The following PCDHB11 variants were observed in gnomAD, a reference collection of about 807,000 sequenced individuals.
PCDHB11 encodes the protein protocadherin beta-11.
For synonymous variants in PCDHB11, 522 were observed against 442.0 expected, an observed-to-expected ratio of 1.18 and a Z score of -2.27; for missense variants, 1,151 against 1,003.4, an observed-to-expected ratio of 1.15 and a Z score of -1.99.
At position 141,201,944 on chromosome 5, in the gene PCDHB11, A is replaced by C. The variant is rs782743521; in HGVS notation, c.2170A>C (p.Ser724Arg). The change falls in exon 1 of 1, where the codon AGC (serine) becomes CGC (arginine). Residue 724 changes from serine (S) to arginine (R), a missense_variant. Physicochemically the swap from Ser to Arg is moderately radical, Grantham distance 110. Coordinates refer to ENST00000354757, the MANE Select transcript of PCDHB11 (RefSeq NM_018931.3). The part of the protein sequence containing the change: ...CRRSRAASVG[S>R]CSVPKGPFPG... ...GAGGAGCAGGGCGGCCTCGGTGGGA[A>C]GCTGCTCGGTGCCTAAGGGCCCCTT... 25 of 1,613,866 alleles carry C rather than the reference A, an allele frequency of 1.5e-5. No individual in the cohort carries two copies. Among genetic ancestry groups the C allele is most frequent in the Admixed American group, 1.5e-4 (9 of 60,004 alleles).
Position 141,201,390 on chromosome 5 carries a change from C to T in PCDHB11, c.1616C>T (p.Pro539Leu). 6.2e-7 allele frequency: 1 copy of T among 1,612,416 alleles called. No homozygotes were observed. The highest frequency in any genetic ancestry group is 1.1e-5 in the South Asian group (1 of 90,998). The change falls in exon 1 of 1, where the codon CCG becomes CTG. Residue 539 changes from proline (P) to leucine (L), a missense_variant. Pro to Leu is a moderately conservative substitution (Grantham distance 98). Transcript: ENST00000354757. Reference protein sequence around the residue: ...FRVGATDRGSPALSSEALVRV... With the variant: ...FRVGATDRGSLALSSEALVRV... ...GTGGGCGCCACAGACCGCGGCTCCC[C>T]GGCTTTGAGCAGCGAGGCGCTGGTG...
Position 141,200,445 on chromosome 5 carries a change from G to A in PCDHB11, c.671G>A (p.Gly224Glu). The A allele has an allele frequency of 1.2e-6, 2 of 1,614,098 alleles. No individual in the cohort carries two copies. The highest frequency in any genetic ancestry group is 1.7e-6 in the Non-Finnish European group (2 of 1,180,020). The change falls in exon 1 of 1, where the codon GGA (glycine) becomes GAA (glutamate). Residue 224 changes from glycine (G) to glutamate (E), a missense_variant. By Grantham distance (98) the Gly-to-Glu change is moderately conservative. Coordinates refer to ENST00000354757, the MANE Select transcript of PCDHB11 (RefSeq NM_018931.3). ...GATGGTGGGTCCCCTCCCAGGTCTG[G>A]AACTGCCTTGGTCAGGGTGGTGGTT... is the stretch of plus-strand genomic sequence containing the variant. The part of the protein sequence containing the change: ...ALDGGSPPRS[G>E]TALVRVVVVD...
rs1563963263 is a variant in PCDHB11 at position 141,199,975 on chromosome 5, C to T, written c.201C>T (p.Val67=). 4 of 1,614,092 alleles carry T rather than the reference C, an allele frequency of 2.5e-6. No individual in the cohort carries two copies. The highest frequency in any genetic ancestry group is 3.4e-6 in the Non-Finnish European group (4 of 1,180,032). ...RELSSRGARV[V]SNDKKQRLQL... is the part of the protein sequence containing the mutation. ...TGTCCTCACGGGGGGCTCGGGTGGT[C>T]TCTAATGATAAGAAACAGCGTTTGC... is the stretch of plus-strand genomic sequence containing the variant. Residue 67 remains valine (V), a synonymous_variant, in exon 1 of 1, where the codon GTC becomes GTT. Transcript: ENST00000354757.
In PCDHB11 at chr5:141,200,850, A is replaced by C; in HGVS notation, c.1076A>C (p.Asn359Thr). The change falls in exon 1 of 1, where the codon AAT becomes ACT. Residue 359 changes from asparagine (N) to threonine (T), a missense_variant. Physicochemically the swap from Asn to Thr is moderately conservative, Grantham distance 65. Transcript: ENST00000354757. ...TCAATTACCAGTCCAATCCCAGAAA[A>C]TACGCCAGAGACCGTGGTTATGGTT... ...VSSITSPIPENTPETVVMVFS... is the reference protein window; with the variant it reads ...VSSITSPIPETTPETVVMVFS... 2 of 1,614,204 alleles carry C rather than the reference A, an allele frequency of 1.2e-6. No individual in the cohort carries two copies. The highest frequency in any genetic ancestry group is 1.7e-6 in the Non-Finnish European group (2 of 1,180,044).
chr5:141,200,049 G>T lies in PCDHB11; in HGVS notation c.275G>T (p.Arg92Met). Residue 92 changes from arginine (R) to methionine (M), a missense_variant, in exon 1 of 1, where the codon AGG becomes ATG. Transcript: ENST00000354757. ...GDLLLSETLD[R>M]EELCGSIEPC... ...TTGCTCTTAAGTGAAACACTAGACA[G>T]GGAGGAGCTCTGCGGTTCCATCGAG... 1 of 1,614,232 alleles carries T rather than the reference G, an allele frequency of 6.2e-7. No individual in the cohort carries two copies. The highest frequency in any genetic ancestry group is 8.5e-7 in the Non-Finnish European group (1 of 1,180,048).
rs1554285667 is a variant in PCDHB11, at chr5:141,201,661, G to A, written c.1887G>A (p.Leu629=). ...ATGGCGAGGTGCGCACCGCCAGGCT[G>A]CTGAGCGAGCGCGACGCGGCCAAGC... ...AHNGEVRTAR[L]LSERDAAKHR... Residue 629 remains leucine (L), a synonymous_variant, in exon 1 of 1, where the codon CTG becomes CTA. Coordinates refer to ENST00000354757, the MANE Select transcript of PCDHB11 (RefSeq NM_018931.3). 1.2e-6 allele frequency: 2 copies of A among 1,605,840 alleles called. No individual in the cohort carries two copies. The highest frequency in any genetic ancestry group is 1.1e-5 in the South Asian group (1 of 90,908).
In PCDHB11 at chr5:141,201,510, C is replaced by A. The variant is rs1554285631; in HGVS notation, c.1736C>A (p.Ala579Glu). 2 of 1,608,646 alleles carry A rather than the reference C, an allele frequency of 1.2e-6. No individual in the cohort carries two copies. The highest frequency in any genetic ancestry group is 1.7e-6 in the Non-Finnish European group (2 of 1,178,790). ...SAPCTELVPR[A>E]AEPGYLVTKV... ...CCCTGCACCGAGCTGGTGCCCCGGG[C>A]GGCCGAGCCGGGCTACCTGGTGACC... The change falls in exon 1 of 1, where the codon GCG (alanine) becomes GAG (glutamate). Residue 579 changes from alanine to glutamate, a missense_variant. Transcript: ENST00000354757.
Position 141,200,351 on chromosome 5 carries a change from G to T in PCDHB11, c.577G>T (p.Glu193Ter). Reference sequence around the variant, plus strand: ...CATTCCAGACAATAGGAAATACCCCGAGTTAGTTCTGGACAAGGCGCTGGA... The same window carrying T: ...CATTCCAGACAATAGGAAATACCCCTAGTTAGTTCTGGACAAGGCGCTGGA... ...RVIPDNRKYPELVLDKALDYE... is the reference protein window; with the variant it reads ...RVIPDNRKYP The change falls in exon 1 of 1, where the codon GAG (glutamate) becomes TAG (stop). Residue 193 changes from glutamate to a stop codon, truncating the protein, a stop_gained. Coordinates refer to ENST00000354757, the MANE Select transcript of PCDHB11 (RefSeq NM_018931.3). LOFTEE classifies it low-confidence loss of function (END_TRUNC). 1 of 1,614,124 alleles carries T rather than the reference G, an allele frequency of 6.2e-7. No homozygotes were observed. The highest frequency in any genetic ancestry group is 8.5e-7 in the Non-Finnish European group (1 of 1,180,022).
chr5:141,201,303 A>G lies in PCDHB11; in HGVS notation c.1529A>G (p.Asn510Ser), dbSNP rs1169458753. The change falls in exon 1 of 1, where the codon AAC (asparagine) becomes AGC (serine). Residue 510 changes from asparagine to serine, a missense_variant. Asn to Ser is a conservative substitution (Grantham distance 46, BLOSUM62 1). Transcript: ENST00000354757. ...LASLVSINTD[N>S]GHLFALRSLD... ...TCCCTGGTCTCCATCAACACAGACA[A>G]CGGCCACCTGTTCGCCCTCAGGTCG... The G allele has an allele frequency of 4.3e-6, 7 of 1,613,468 alleles. No homozygotes were observed. In the Admixed American group the frequency reaches 8.3e-5, roughly 19 times the overall value.
In PCDHB11 at chr5:141,202,119, AT is replaced by A. The variant is rs782131185; in HGVS notation, c.2346del (p.Asn782LysfsTer32). ...ATCCAGGCAAAAGGTCTTGGGAAGA[AT>A]AGTGAAGAAAACTCCACCTTTCGAA... The part of the protein sequence containing the change: ...PNIQAKGLGK[N>X]SEENSTFRNS... On this transcript the variant is annotated frameshift_variant, in exon 1 of 1. Transcript: ENST00000354757. LOFTEE classifies it low-confidence loss of function (END_TRUNC). 3.7e-6 allele frequency: 6 copies of A among 1,613,452 alleles called. No individual in the cohort carries two copies. The highest frequency in any genetic ancestry group is 4.2e-6 in the Non-Finnish European group (5 of 1,179,616).
Position 141,201,746 on chromosome 5 carries a change from C to G in PCDHB11, c.1972C>G (p.Leu658Val). 1 of 1,608,814 alleles carries G rather than the reference C, an allele frequency of 6.2e-7. No individual in the cohort carries two copies. Residue 658 changes from leucine (L) to valine (V), a missense_variant, in exon 1 of 1, where the codon CTG becomes GTG. Transcript: ENST00000354757. ...GEPPRSATAT[L>V]QVLLVDGFSQ... The stretch of plus-strand genomic sequence containing the variant: ...GCCTCCGCGCTCGGCCACCGCCACG[C>G]TGCAAGTGCTCCTGGTGGACGGCTT...
chr5:141,201,786 T>G lies in PCDHB11; in HGVS notation c.2012T>G (p.Leu671Arg). ...GTGGACGGCTTCTCCCAGCCCTACC[T>G]GCCGCTCCCTGAGGCGGCACCGGCC... ...LLVDGFSQPYLPLPEAAPAQA... is the reference protein window; with the variant it reads ...LLVDGFSQPYRPLPEAAPAQA... Residue 671 changes from leucine (L) to arginine (R), a missense_variant, in exon 1 of 1, where the codon CTG (leucine) becomes CGG (arginine). Transcript: ENST00000354757. 1 of 1,610,012 alleles carries G rather than the reference T, an allele frequency of 6.2e-7. No individual in the cohort carries two copies. Among genetic ancestry groups the G allele is most frequent in the Non-Finnish European group, 8.5e-7 (1 of 1,179,766 alleles).
chr5:141,202,367 T>C lies in PCDHB11; in HGVS notation c.*199T>C, dbSNP rs1754225472. On this transcript the variant is annotated 3_prime_UTR_variant, in exon 1 of 1. Coordinates refer to ENST00000354757, the MANE Select transcript of PCDHB11 (RefSeq NM_018931.3). ...CTGGCTGGAGTGCAATGGTGTGATC[T>C]CAGCTCACTGCACCCTCCGCCTCTC... is the stretch of plus-strand genomic sequence containing the variant. 3 of 496,286 alleles carry C rather than the reference T, an allele frequency of 6.0e-6. No individual in the cohort carries two copies. Among genetic ancestry groups the C allele is most frequent in the African/African-American group, 2.0e-5 (1 of 50,256 alleles). 30.7% of individuals were successfully genotyped at this position (496,286 alleles called of 1,614,324 possible). A position where few individuals can be genotyped will look rare whatever the true frequency, so the allele number is the denominator to read the frequency against.
chr5:141,200,244 C>T lies in PCDHB11; in HGVS notation c.470C>T (p.Ala157Val), dbSNP rs782466228. 24 of 1,613,938 alleles carry T rather than the reference C, an allele frequency of 1.5e-5. No homozygotes were observed. Among genetic ancestry groups the T allele is most frequent in the Non-Finnish European group, 2.0e-5 (24 of 1,180,010 alleles). Residue 157 changes from alanine to valine, a missense_variant, in exon 1 of 1, where the codon GCG (alanine) becomes GTG (valine). By Grantham distance (64) the Ala-to-Val change is moderately conservative (BLOSUM62 0). Coordinates refer to ENST00000354757, the MANE Select transcript of PCDHB11 (RefSeq NM_018931.3). ...GGTGCTGTGTTCTTACTAGAAAGTG[C>T]GAAGGATTTAGATGTAGGAATCAAT... ...PVGAVFLLES[A>V]KDLDVGINAV...
In PCDHB11 at chr5:141,202,301, A is replaced by ATTTTT; in HGVS notation, c.*145_*149dup. On this transcript the variant is annotated 3_prime_UTR_variant, in exon 1 of 1. Transcript: ENST00000354757. ...TTTTAATTTTTTCTTTTCTCCCCCA[A>ATTTTT]TTTTTTTTTTTTTTTTGAGACCGAG... 7.4e-6 allele frequency: 5 copies of ATTTTT among 671,404 alleles called. No homozygotes were observed. Among genetic ancestry groups the ATTTTT allele is most frequent in the South Asian group, 5.1e-5 (2 of 39,222 alleles). The allele number at this position is 671,404 out of a possible 1,614,324, so 41.6% of individuals were successfully genotyped here.
chr5:141,201,236 T>G lies in PCDHB11; in HGVS notation c.1462T>G (p.Tyr488Asp). 3.7e-6 allele frequency: 6 copies of G among 1,613,236 alleles called. No homozygotes were observed. The highest frequency in any genetic ancestry group is 5.1e-6 in the Non-Finnish European group (6 of 1,180,036). The part of the protein sequence containing the change: ...RDSGTNAQVN[Y>D]SLLPPQDLHL... ...CTCAGGCACCAACGCCCAGGTCAAC[T>G]ACTCGCTACTCCCGCCCCAGGACCT... Residue 488 changes from tyrosine to aspartate, a missense_variant, in exon 1 of 1, where the codon TAC becomes GAC. Transcript: ENST00000354757.
chr5:141,202,281 A>G lies in PCDHB11; in HGVS notation c.*113A>G, dbSNP rs1230609974. ...TGCAATACGACTAATTGTATTTTTA[A>G]TTTTTTCTTTTCTCCCCCAATTTTT... On this transcript the variant is annotated 3_prime_UTR_variant, in exon 1 of 1. Transcript: ENST00000354757. The G allele has an allele frequency of 5.7e-6, 6 of 1,052,844 alleles. No homozygotes were observed. The highest frequency in any genetic ancestry group is 3.3e-5 in the African/African-American group (2 of 59,886). The allele number at this position is 1,052,844 out of a possible 1,614,324, so 65.2% of individuals were successfully genotyped here.
At position 141,200,569 on chromosome 5, in the gene PCDHB11, A is replaced by T. The variant is rs1554285326; in HGVS notation, c.795A>T (p.Ser265=). The change falls in exon 1 of 1, where the codon TCA becomes TCT. Residue 265 remains serine, a synonymous_variant. Transcript: ENST00000354757. The part of the protein sequence containing the change: ...SILGSLILIV[S]AWDLDSGTNG... ...TTGGCTCGCTGATTTTGATTGTCTC[A>T]GCTTGGGATTTAGACTCTGGAACAA... 7 of 1,614,206 alleles carry T rather than the reference A, an allele frequency of 4.3e-6. No individual in the cohort carries two copies. The South Asian group carries it at 7.7e-5, about 18-fold the overall frequency.
chr5:141,201,364 C>T lies in PCDHB11; in HGVS notation c.1590C>T (p.Arg530=), dbSNP rs144645252. ...AGGCCCTGCAGGCTTTCGACTTCCG[C>T]GTGGGCGCCACAGACCGCGGCTCCC... ...DYEALQAFDF[R]VGATDRGSPA... Residue 530 remains arginine, a synonymous_variant, in exon 1 of 1, where the codon CGC becomes CGT. Coordinates refer to ENST00000354757, the MANE Select transcript of PCDHB11 (RefSeq NM_018931.3). 3.7e-6 allele frequency: 6 copies of T among 1,612,938 alleles called. No individual in the cohort carries two copies. Among genetic ancestry groups the T allele is most frequent in the Admixed American group, 1.7e-5 (1 of 60,018 alleles).
Sources: allele counts gnomAD v4.1 joint callset, GRCh38; gene constraint gnomAD v4.1.1; transcripts MANE v1.5; gene names NCBI Gene and HGNC (gene_info 2026-07-23, HGNC 2026-07-21).